Variants in SMAP1 observed in about 807,000 individuals in gnomAD.
The protein encoded by SMAP1 is small ArfGAP 1.
SMAP1 carries 24 observed loss-of-function variants against 58.5 expected under a neutral mutation model. That is an observed-to-expected ratio of 0.41 (90% CI 0.30 to 0.58). The LOEUF (loss-of-function observed/expected upper bound fraction) is 0.58. Among genes scored for constraint, SMAP1 ranks in the 20% least tolerant of loss-of-function variants. SMAP1 has a pLI of 0.29. For synonymous variants in SMAP1, 216 were observed against 196.6 expected (o/e 1.10, Z -0.82); for missense variants, 563 against 566.3 (o/e 0.99, Z 0.06).
intron 3 of SMAP1, among the ~76,000 whole-genome samples, chr6:70,766,923 A>C (rs1195260363): frequency 6.6e-6 from 1 of 152,070 alleles, no homozygotes; most frequent in Non-Finnish European, 1.5e-5. Context: ...TAATTTTTGT[A>C]TAAGGTGTAA....
intron 6 of SMAP1, among the ~76,000 whole-genome samples, chr6:70,821,570 T>C: frequency 6.6e-6 from 1 of 152,078 alleles, no homozygotes; most frequent in East Asian, 1.9e-4. Context: ...CCTGAAAAAA[T>C]ATTGACTACT....
At chr6:70,834,476 G>C (rs1389136100) in intron 6 of SMAP1, among the ~76,000 whole-genome samples, 1 of 152,000 alleles carries the variant, frequency 6.6e-6, no homozygotes, top group African/African-American at 2.4e-5. Context: ...TTAATTTGCG[G>C]AATGAAAGTG....
chr6:70,729,070 C>G (rs1286251172), intron 1 of SMAP1, among the ~76,000 whole-genome samples: 2 of 152,082 alleles, frequency 1.3e-5, no homozygotes, highest in South Asian at 4.2e-4. Context: ...CTTTTACTGC[C>G]TTTCATTTTC....
intron 1 of SMAP1, among the ~76,000 whole-genome samples, chr6:70,717,121 CA>C (rs1768307472): frequency 6.6e-6 from 1 of 152,084 alleles, no homozygotes; most frequent in Admixed American, 6.5e-5. Context: ...CAAGTTCTGC[CA>C]GATGAATTAG....
chr6:70,717,283 C>T (rs963243776), intron 1 of SMAP1, among the ~76,000 whole-genome samples: 1 of 152,192 alleles, frequency 6.6e-6, no homozygotes, highest in African/African-American at 2.4e-5. Flanking sequence ...GATGCCTGCA[C>T]ACTTATTTAG....
chr6:70,682,544 A>G (rs1414279496), intron 1 of SMAP1, among the ~76,000 whole-genome samples: 1 of 152,210 alleles, frequency 6.6e-6, no homozygotes. Context: ...AAAAGTTTGT[A>G]AAAAATAATC....
chr6:70,852,721 T>C (rs980300540), intron 8 of SMAP1, 57 bp downstream of exon 8: 3 of 1,440,796 alleles, frequency 2.1e-6, no homozygotes, highest in Non-Finnish European at 2.8e-6. Flanking sequence ...TTTGAAAAGT[T>C]TCAAAATTTC....
chr6:70,785,485 A>G (rs1035545731), intron 4 of SMAP1, among the ~76,000 whole-genome samples: 93 of 152,176 alleles, frequency 6.1e-4, no homozygotes, highest in Non-Finnish European at 1.1e-3. Flanking sequence ...GACACAAAAA[A>G]CCCTTCAAAA....
chr6:70,819,201 T>G (rs146827483), intron 6 of SMAP1, among the ~76,000 whole-genome samples: 1,975 of 152,264 alleles, frequency 0.013, 12 homozygotes, highest in Non-Finnish European at 0.022. Context: ...AAGTACTGCA[T>G]TCTTTTCTTG....
intron 4 of SMAP1, among the ~76,000 whole-genome samples, chr6:70,783,245 T>C (rs1767841391): frequency 6.6e-6 from 1 of 152,176 alleles, no homozygotes. Flanking sequence ...GAGGGTCCTG[T>C]CTGTTAGAAG....
At chr6:70,761,985 A>C (rs983533149) in intron 3 of SMAP1, among the ~76,000 whole-genome samples, 1 of 152,122 alleles carries the variant, frequency 6.6e-6, no homozygotes, top group Admixed American at 6.6e-5. Flanking sequence ...AGATCAGCTA[A>C]CCTAAAGGTC....
chr6:70,728,252 G>A (rs1463572354), intron 1 of SMAP1, among the ~76,000 whole-genome samples: 1 of 152,104 alleles, frequency 6.6e-6, no homozygotes, highest in Non-Finnish European at 1.5e-5. Context: ...AGAGGCCAGG[G>A]GAACACAGGC....
intron 6 of SMAP1, among the ~76,000 whole-genome samples, chr6:70,815,673 A>G (rs934122603): frequency 6.6e-6 from 1 of 152,100 alleles, no homozygotes; most frequent in South Asian, 2.1e-4. Context: ...TAAAGACAGG[A>G]TGGTTCCCTT....
At chr6:70,858,950 C>G (rs1771566669) in intron 10 of SMAP1, 1 of 158,014 alleles carries the variant, frequency 6.3e-6, no homozygotes. Context: ...GTGCTGTGTT[C>G]TGACTTTTCT....
intron 2 of SMAP1, among the ~76,000 whole-genome samples, chr6:70,740,488 A>C (rs1582093132): frequency 6.6e-6 from 1 of 152,168 alleles, no homozygotes; most frequent in East Asian, 1.9e-4. Flanking sequence ...ACAAAAAAAA[A>C]ACCCAAGGCC....
intron 7 of SMAP1, among the ~76,000 whole-genome samples, chr6:70,843,883 C>G (rs1412637570): frequency 6.6e-6 from 1 of 152,124 alleles, no homozygotes; most frequent in Non-Finnish European, 1.5e-5. Context: ...ACCTGAACAC[C>G]AGGTCATGGG....
chr6:70,784,412 A>G (rs1767909460), intron 4 of SMAP1, among the ~76,000 whole-genome samples: 1 of 152,244 alleles, frequency 6.6e-6, no homozygotes, highest in African/African-American at 2.4e-5. Context: ...CAAAATAACC[A>G]GCTAACATCA....
chr6:70,789,166 A>C (rs763184151), intron 4 of SMAP1, among the ~76,000 whole-genome samples: 1 of 152,090 alleles, frequency 6.6e-6, no homozygotes, highest in Non-Finnish European at 1.5e-5. Context: ...TGCTAATATG[A>C]CTTTAAAGAG....
At chr6:70,668,490 T>C in intron 1 of SMAP1, 1 of 1,459,800 alleles carries the variant, frequency 6.9e-7, no homozygotes, top group Non-Finnish European at 9.0e-7. Context: ...TGGGCAGAGC[T>C]TAGGGTTAGA....
Sources: allele counts gnomAD v4.1 joint callset (sites outside exome capture counted in the v4.1 genomes callset), GRCh38; gene constraint gnomAD v4.1.1; transcripts MANE v1.5; gene names NCBI Gene and HGNC (gene_info 2026-07-23, HGNC 2026-07-21).